MTPAP: variants seen among roughly 807,000 people sequenced by gnomAD.
MTPAP encodes the protein poly(A) RNA polymerase, mitochondrial.
MTPAP carries 23 observed loss-of-function variants against 48.7 expected under a neutral mutation model. The observed-to-expected ratio is 0.47, with a 90% CI of 0.34 to 0.67. MTPAP has a LOEUF of 0.67. Among genes scored for constraint, MTPAP ranks in the 30% least tolerant of loss-of-function variants. MTPAP has a pLI of 0.01. For synonymous variants in MTPAP, 257 were observed against 254.1 expected (o/e 1.01, Z -0.11); for missense variants, 614 against 694.3 (o/e 0.88, Z 1.30).
At position 30,320,216 on chromosome 10, in the gene MTPAP, T is replaced by C. The variant is rs182549374; in HGVS notation, c.1219+2175A>G. 1.1e-4 allele frequency among the ~76,000 whole-genome samples: 17 copies of C among 152,252 alleles called. No homozygotes were observed. In the East Asian group the frequency reaches 1.4e-3, roughly 12 times the overall value. ...GAGGCAGAGTTGCAGTGAGCCAAGA[T>C]TGCACCACTGCACTCCAGCCTGCCT... On this transcript the variant is annotated intron_variant, in intron 6 of 8. Transcript: ENST00000263063.
intron 1 of MTPAP, among the ~76,000 whole-genome samples, chr10:30,342,618 G>A (rs1389223514): frequency 1.3e-5 from 2 of 151,340 alleles, no homozygotes; most frequent in African/African-American, 4.9e-5. Flanking sequence ...ACAAAATTGT[G>A]CAAATTGTAA....
intron 1 of MTPAP, among the ~76,000 whole-genome samples, chr10:30,343,576 T>C (rs896309641): frequency 6.6e-6 from 1 of 152,068 alleles, no homozygotes; most frequent in African/African-American, 2.4e-5. Flanking sequence ...TTTTTCTTTT[T>C]TTTTTTAAAG....
At chr10:30,331,022 A>G (rs533735710) in intron 4 of MTPAP, among the ~76,000 whole-genome samples, 12 of 152,354 alleles carry the variant, frequency 7.9e-5, no homozygotes, top group Admixed American at 2.6e-4. Flanking sequence ...CAAAGCATCA[A>G]CTAGCCTAAC....
intron 5 of MTPAP, among the ~76,000 whole-genome samples, chr10:30,324,160 C>T (rs1834552345): frequency 6.6e-6 from 1 of 151,794 alleles, no homozygotes; most frequent in South Asian, 2.1e-4. Flanking sequence ...TCAGTCTTGG[C>T]GACAGAGTAA....
At chr10:30,339,498 A>G (rs1470894842) in intron 3 of MTPAP, among the ~76,000 whole-genome samples, 20 of 143,534 alleles carry the variant, frequency 1.4e-4, no homozygotes, top group East Asian at 8.2e-4. Flanking sequence ...AAAAAAAAAA[A>G]AGAGAGAGAG....
chr10:30,334,640 G>A (rs1834707673), intron 4 of MTPAP, among the ~76,000 whole-genome samples: 1 of 152,116 alleles, frequency 6.6e-6, no homozygotes, highest in Non-Finnish European at 1.5e-5. Flanking sequence ...CAGCCTGGGT[G>A]ACCGAGTGAA....
Position 30,313,273 on chromosome 10 carries a change from T to G in MTPAP, c.*336A>C, listed in dbSNP as rs1382616614. On this transcript the variant is annotated 3_prime_UTR_variant, in exon 9 of 9. Transcript: ENST00000263063. ...TTGTGGCTTATGTTTATTTTCATTT[T>G]TTTTAGAGATGGAATCTTGCTATGT... 3 of 263,802 alleles carry G rather than the reference T, an allele frequency of 1.1e-5. No individual in the cohort carries two copies. Among genetic ancestry groups the G allele is most frequent in the African/African-American group, 6.6e-5 (3 of 45,304 alleles). 16.3% of individuals were successfully genotyped at this position (263,802 alleles called of 1,614,324 possible).
intron 4 of MTPAP, among the ~76,000 whole-genome samples, chr10:30,330,166 CT>C (rs1298717864): frequency 6.6e-6 from 1 of 152,102 alleles, no homozygotes; most frequent in Non-Finnish European, 1.5e-5. Context: ...GGCATTTTCT[CT>C]ACTGATCTGT....
chr10:30,322,633 A>G lies in MTPAP; in HGVS notation c.993-16T>C, dbSNP rs756154235. 3.2e-6 allele frequency: 5 copies of G among 1,571,446 alleles called. No individual in the cohort carries two copies. Among genetic ancestry groups the G allele is most frequent in the Admixed American group, 1.8e-5 (1 of 57,142 alleles). On this transcript the variant is annotated splice_polypyrimidine_tract_variant and intron_variant, in intron 5 of 8. Coordinates refer to ENST00000263063, the MANE Select transcript of MTPAP (RefSeq NM_018109.4). ...CAAGGCAATCCTTCAAAAAATAAAA[A>G]TAAGAAAAATGTTCAAATCCCCAAA...
At chr10:30,326,297 G>A (rs1039595684) in intron 5 of MTPAP, 127 bp downstream of exon 5, 20 of 855,598 alleles carry the variant, frequency 2.3e-5, no homozygotes, top group Non-Finnish European at 3.2e-5. Flanking sequence ...CAATCCAAGT[G>A]ATAAATTTTT....
chr10:30,311,460 A>G lies in MTPAP; in HGVS notation c.*2149T>C, dbSNP rs1840591256. The G allele has an allele frequency of 6.6e-6, 1 of 152,212 alleles. No homozygotes were observed. The highest frequency in any genetic ancestry group is 2.1e-4 in the South Asian group (1 of 4,836). The allele number at this position is 152,212 out of a possible 1,614,324, so 9.4% of individuals were successfully genotyped here. A position where few individuals can be genotyped will look rare whatever the true frequency, so the allele number is the denominator to read the frequency against. On this transcript the variant is annotated 3_prime_UTR_variant, in exon 9 of 9. Transcript: ENST00000263063. ...GTAGCAAAAAAGGTAATTACATACC[A>G]CAAACACCGAAAGGCAACAGTTAAA...
At chr10:30,314,909 G>A (rs547907) in intron 8 of MTPAP, among the ~76,000 whole-genome samples, 129,026 of 138,428 alleles carry the variant, frequency 0.93, 59,992 homozygotes, top group East Asian at 0.99. Flanking sequence ...AAAAAAAGAA[G>A]AGAAAAGAAA....
chr10:30,325,497 A>G (rs1449068658), intron 5 of MTPAP, among the ~76,000 whole-genome samples: 1 of 152,226 alleles, frequency 6.6e-6, no homozygotes, highest in Non-Finnish European at 1.5e-5. Context: ...CTGTAATCCC[A>G]GCACTCTAGG....
chr10:30,346,695 T>A (rs72819514), intron 1 of MTPAP, among the ~76,000 whole-genome samples: 1 of 152,354 alleles, frequency 6.6e-6, no homozygotes, highest in Non-Finnish European at 1.5e-5. Context: ...CAGCTAAACC[T>A]GTTCAGGTAA....
Position 30,331,755 on chromosome 10 carries a change from C to T in MTPAP, c.780+5048G>A, listed in dbSNP as rs144623645. Among the ~76,000 whole-genome samples, 749 of 152,286 alleles carry T rather than the reference C, an allele frequency of 4.9e-3. 7 individuals are homozygous for T. The highest frequency in any genetic ancestry group is 0.017 in the African/African-American group (711 of 41,566). ...CTAATTTTTGTTATCTTTGTAGAGACGGGGTTTCACCACATTGGCCAGGCT... is the reference window on the plus strand; with the variant it reads ...CTAATTTTTGTTATCTTTGTAGAGATGGGGTTTCACCACATTGGCCAGGCT... On this transcript the variant is annotated intron_variant, in intron 4 of 8. Transcript: ENST00000263063.
Position 30,336,783 on chromosome 10 carries a change from G to C in MTPAP, c.780+20C>G. ...TTCTTAACTTTACATGATTATAGTG[G>C]TCAAAAGAAATAGACTTACCTTGTG... On this transcript the variant is annotated intron_variant, in intron 4 of 8. Transcript: ENST00000263063. The C allele has an allele frequency of 6.5e-7, 1 of 1,547,942 alleles. No individual in the cohort carries two copies. The highest frequency in any genetic ancestry group is 8.9e-7 in the Non-Finnish European group (1 of 1,121,664).
Position 30,316,662 on chromosome 10 carries a change from G to A in MTPAP, c.1220-452C>T, listed in dbSNP as rs1202566605. Among the ~76,000 whole-genome samples, 5 of 150,976 alleles carry A rather than the reference G, an allele frequency of 3.3e-5. No homozygotes were observed. The East Asian group carries it at 9.9e-4, about 30-fold the overall frequency. Reference sequence around the variant, plus strand: ...CCCAGAACTTTGGAAGGCTGAGGCGGGTAGATCACCTGAGGTCAGGAGTTC... The same window carrying A: ...CCCAGAACTTTGGAAGGCTGAGGCGAGTAGATCACCTGAGGTCAGGAGTTC... On this transcript the variant is annotated intron_variant, in intron 6 of 8. Transcript: ENST00000263063.
intron 3 of MTPAP, among the ~76,000 whole-genome samples, chr10:30,339,062 G>A (rs565402522): frequency 6.6e-6 from 1 of 152,196 alleles, no homozygotes; most frequent in Non-Finnish European, 1.5e-5. Flanking sequence ...GGTGGAGCTT[G>A]AAGTGAGCTG....
intron 3 of MTPAP, among the ~76,000 whole-genome samples, chr10:30,338,965 T>C (rs1368751988): frequency 6.6e-6 from 1 of 151,246 alleles, no homozygotes. Context: ...CTAATAAAAA[T>C]ACAAAAAATT....
Sources: allele counts gnomAD v4.1 joint callset (sites outside exome capture counted in the v4.1 genomes callset), GRCh38; gene constraint gnomAD v4.1.1; transcripts MANE v1.5; gene names NCBI Gene and HGNC (gene_info 2026-07-23, HGNC 2026-07-21).